ARID4B: variants seen among roughly 807,000 people sequenced by gnomAD.
ARID4B encodes AT-rich interaction domain 4B.
Under a neutral mutation model 147.5 loss-of-function variants are expected in ARID4B, and 26 were observed. The observed-to-expected ratio is 0.18, with a 90% CI of 0.13 to 0.24. The LOEUF is 0.24. ARID4B is among the 10% of genes least tolerant of loss of function. ARID4B has a pLI of 1.00. For missense variants in ARID4B, 1,179 were observed against 1,511.5 expected, an observed-to-expected ratio of 0.78 and a Z score of 3.65; for synonymous variants, 512 against 507.9, an observed-to-expected ratio of 1.01 and a Z score of -0.11.
chr1:235,323,110 G>A (rs1319402401), intron 2 of ARID4B, among the ~76,000 whole-genome samples: 10 of 148,986 alleles, frequency 6.7e-5, no homozygotes, highest in Non-Finnish European at 8.9e-5. Context: ...GTGCCATCTC[G>A]ACTCACTGCA....
At chr1:235,303,253 G>C (rs967430369) in intron 2 of ARID4B, among the ~76,000 whole-genome samples, 1 of 151,984 alleles carries the variant, frequency 6.6e-6, no homozygotes, top group Non-Finnish European at 1.5e-5. Context: ...CAATGACGCT[G>C]TACTATCTTC....
At chr1:235,252,599 A>T in intron 6 of ARID4B, 131 bp downstream of exon 6, 1 of 611,244 alleles carries the variant, frequency 1.6e-6, no homozygotes, top group Non-Finnish European at 2.8e-6. Context: ...TTCACAGATT[A>T]CATCATAAGG....
At chr1:235,323,170 T>C (rs945646954) in intron 2 of ARID4B, among the ~76,000 whole-genome samples, 4 of 151,868 alleles carry the variant, frequency 2.6e-5, no homozygotes, top group African/African-American at 7.3e-5. Flanking sequence ...CCTGAGTAGC[T>C]GGGAATACAG....
At chr1:235,175,523 C>A in intron 21 of ARID4B, 124 bp from the exon 22 acceptor site, 1 of 747,252 alleles carries the variant, frequency 1.3e-6, no homozygotes, top group Non-Finnish European at 2.1e-6. Context: ...GCCTAGAAAC[C>A]TGGAAAATCA....
chr1:235,218,847 T>A (rs893162871), intron 16 of ARID4B, among the ~76,000 whole-genome samples: 4 of 151,554 alleles, frequency 2.6e-5, no homozygotes, highest in African/African-American at 7.3e-5. Context: ...TGTGGCCAAA[T>A]GTCAGTACGC....
chr1:235,177,646 C>G, intron 21 of ARID4B, 154 bp downstream of exon 21: 1 of 509,506 alleles, frequency 2.0e-6, no homozygotes, highest in South Asian at 3.5e-5. Flanking sequence ...TTTTTTAAAG[C>G]AAGTAGCCTT....
At chr1:235,321,544 C>T (rs1462156984) in intron 2 of ARID4B, among the ~76,000 whole-genome samples, 2 of 152,282 alleles carry the variant, frequency 1.3e-5, no homozygotes, top group East Asian at 1.9e-4. Flanking sequence ...CTTGCTCTGT[C>T]GCCCAGGCTG....
At chr1:235,325,347 T>G (rs1011762878) in intron 2 of ARID4B, among the ~76,000 whole-genome samples, 2 of 151,900 alleles carry the variant, frequency 1.3e-5, no homozygotes, top group Non-Finnish European at 2.9e-5. Flanking sequence ...ATACTTTCAT[T>G]TTTTTAAACA....
chr1:235,325,886 T>A (rs1252153695), intron 2 of ARID4B, among the ~76,000 whole-genome samples: 2 of 152,216 alleles, frequency 1.3e-5, no homozygotes, highest in African/African-American at 4.8e-5. Flanking sequence ...TATTACAAAT[T>A]TTAATTTGGA....
At chr1:235,320,563 T>G (rs956080484) in intron 2 of ARID4B, among the ~76,000 whole-genome samples, 5 of 152,204 alleles carry the variant, frequency 3.3e-5, no homozygotes, top group African/African-American at 9.7e-5. Flanking sequence ...CAGTCAAACA[T>G]TTTTGAAAAT....
intron 2 of ARID4B, among the ~76,000 whole-genome samples, chr1:235,315,914 G>A (rs1319989095): frequency 1.3e-5 from 2 of 152,144 alleles, no homozygotes; most frequent in Non-Finnish European, 2.9e-5. Flanking sequence ...CCATGGTGGT[G>A]TGCACTTACA....
chr1:235,269,154 G>A (rs575281376), intron 2 of ARID4B, among the ~76,000 whole-genome samples: 1 of 152,252 alleles, frequency 6.6e-6, no homozygotes, highest in South Asian at 2.1e-4. Flanking sequence ...TGAAATCCGT[G>A]AGTCCATATT....
chr1:235,186,730 T>G (rs1280130423), intron 19 of ARID4B, among the ~76,000 whole-genome samples: 1 of 151,354 alleles, frequency 6.6e-6, no homozygotes, highest in Non-Finnish European at 1.5e-5. Flanking sequence ...AGATTTTTTG[T>G]TTTTGTTTTT....
At chr1:235,229,410 G>T (rs368706859) in intron 10 of ARID4B, 25 bp from the exon 11 acceptor site, 8 of 1,463,352 alleles carry the variant, frequency 5.5e-6, no homozygotes, top group Non-Finnish European at 7.5e-6. Context: ...CAAGGTACAT[G>T]AACTGAAGAA....
intron 9 of ARID4B, 121 bp from the exon 10 acceptor site, chr1:235,231,310 T>A: frequency 5.1e-6 from 3 of 587,650 alleles, no homozygotes. Flanking sequence ...TGTTGACGTT[T>A]ACAATAAAAG....
At chr1:235,282,612 A>G (rs1671729847) in intron 2 of ARID4B, among the ~76,000 whole-genome samples, 2 of 152,156 alleles carry the variant, frequency 1.3e-5, no homozygotes, top group Non-Finnish European at 2.9e-5. Context: ...CAGAGATGAT[A>G]TATCTACACA....
At position 235,194,061 on chromosome 1, in the gene ARID4B, C is replaced by T. The variant is rs1472023998; in HGVS notation, c.2077G>A (p.Ala693Thr). The T allele has an allele frequency of 1.9e-6, 3 of 1,612,418 alleles. No homozygotes were observed. The highest frequency in any genetic ancestry group is 2.5e-6 in the Non-Finnish European group (3 of 1,178,596). The change falls in exon 19 of 24, where the codon GCT becomes ACT. Residue 693 changes from alanine to threonine, a missense_variant. Physicochemically the swap from Ala to Thr is moderately conservative, Grantham distance 58 (BLOSUM62 0). Transcript: ENST00000264183. ...DLTDAKNSDT[A>T]HIKSIEITSI... is the part of the protein sequence containing the mutation. ...GTAATTTCTATGGACTTAATATGAG[C>T]AGTATCAGAGTTTTTGGCATCAGTG...
chr1:235,177,151 T>C (rs1277736540), intron 21 of ARID4B, among the ~76,000 whole-genome samples: 1 of 152,244 alleles, frequency 6.6e-6, no homozygotes, highest in Non-Finnish European at 1.5e-5. Flanking sequence ...AAAGTTATCT[T>C]GATTGTTATA....
At chr1:235,296,649 A>G (rs1400386045) in intron 2 of ARID4B, among the ~76,000 whole-genome samples, 1 of 151,436 alleles carries the variant, frequency 6.6e-6, no homozygotes, top group Non-Finnish European at 1.5e-5. Flanking sequence ...TTGTAGAGAC[A>G]GGGTTTTGCC....
Sources: gnomAD v4.1 joint callset for allele counts (sites outside exome capture counted in the v4.1 genomes callset) on GRCh38, gnomAD v4.1.1 for gene constraint, MANE v1.5 for transcripts, NCBI Gene and HGNC (gene_info 2026-07-23, HGNC 2026-07-21) for gene names.